The following PHC2 variants were observed in gnomAD, a reference collection of about 807,000 sequenced individuals.
PHC2 encodes the protein polyhomeotic homolog 2.
PHC2 carries 29 observed loss-of-function variants against 87.4 expected under a neutral mutation model. The observed-to-expected ratio is 0.33, with a 90% confidence interval of 0.25 to 0.45. The LOEUF (loss-of-function observed/expected upper bound fraction) is 0.45, where lower values mean the gene tolerates loss of function less well. PHC2 is among the 20% of genes least tolerant of loss of function. The probability of loss-of-function intolerance (pLI) is 1.00; values close to 1 mark genes in which losing one functional copy is unlikely to be tolerated. For missense variants in PHC2, 857 were observed against 1,136.7 expected (o/e 0.75, Z 3.54); for synonymous variants, 438 against 461.7 (o/e 0.95, Z 0.66).
In PHC2 at chr1:33,371,508, C is replaced by T. The variant is rs575646522; in HGVS notation, c.334-414G>A. ...GGCCACCGCCATCACACCCGGCCAC[C>T]GCCATCACACTTGGCCACTGCCATC... is the stretch of plus-strand genomic sequence containing the variant. On this transcript the variant is annotated intron_variant, in intron 3 of 14. Coordinates refer to ENST00000683057, the MANE Select transcript of PHC2 (RefSeq NM_001385109.1). Among the ~76,000 whole-genome samples, 89 of 152,276 alleles carry T rather than the reference C, an allele frequency of 5.8e-4. 2 individuals are homozygous for T. The highest frequency in any genetic ancestry group is 2.0e-3 in the African/African-American group (85 of 41,540).
rs1491262304 is a variant in PHC2, at chr1:33,350,544, A to ACTCATT, written c.1558+3856_1558+3857insAATGAG. ...CACGCGCGCGAGGGGCTGCGGGGGT[A>ACTCATT]CAGAGACGTGCAGCGTGACACAGTC... On this transcript the variant is annotated intron_variant, in intron 9 of 14. Transcript: ENST00000683057. The ACTCATT allele has an allele frequency of 6.6e-5, 10 of 152,498 alleles. No individual in the cohort carries two copies. In the East Asian group the frequency reaches 1.9e-3, roughly 29 times the overall value. 9.4% of individuals were successfully genotyped at this position (152,498 alleles called of 1,614,324 possible).
chr1:33,386,033 G>A (rs1261826875), intron 1 of PHC2, among the ~76,000 whole-genome samples: 2 of 151,728 alleles, frequency 1.3e-5, no homozygotes, highest in Non-Finnish European at 2.9e-5. Context: ...CTGGCCTCAG[G>A]TGATCCACCT....
chr1:33,371,153 C>T, intron 3 of PHC2, 59 bp from the exon 4 acceptor site: 1 of 1,366,816 alleles, frequency 7.3e-7, no homozygotes. Context: ...CACTCCTGGG[C>T]TCTCATCATC....
At chr1:33,430,608 C>A (rs1276386086) in intron 1 of PHC2, among the ~76,000 whole-genome samples, 1 of 152,066 alleles carries the variant, frequency 6.6e-6, no homozygotes, top group East Asian at 1.9e-4. Flanking sequence ...AAGCGAGTCA[C>A]TGACGGGACC....
Position 33,332,614 on chromosome 1 carries a change from G to A in PHC2, c.1762-210C>T. The stretch of plus-strand genomic sequence containing the variant: ...GTAAGATGCTAATGGGCAAAGTACA[G>A]GGATGGCTTCTGTCCAGGACCAACG... On this transcript the variant is annotated intron_variant, in intron 10 of 14. Coordinates refer to ENST00000683057, the MANE Select transcript of PHC2 (RefSeq NM_001385109.1). This position sits in a 1 kb window ranked among gnomAD's most constrained non-coding sequence, Gnocchi z 4.2. The A allele has an allele frequency of 1.8e-6, 1 of 570,490 alleles. No homozygotes were observed. The highest frequency in any genetic ancestry group is 3.1e-6 in the Non-Finnish European group (1 of 318,666). 35.3% of individuals were successfully genotyped at this position (570,490 alleles called of 1,614,324 possible). A position where few individuals can be genotyped will look rare whatever the true frequency, so the allele number is the denominator to read the frequency against.
At chr1:33,365,511 G>A (rs1367998393) in intron 7 of PHC2, among the ~76,000 whole-genome samples, 1 of 152,162 alleles carries the variant, frequency 6.6e-6, no homozygotes, top group Non-Finnish European at 1.5e-5. Flanking sequence ...TGAGAAACTA[G>A]AAGAAGTGCT....
At chr1:33,374,795 A>C (rs925674030) in intron 2 of PHC2, among the ~76,000 whole-genome samples, 2 of 152,196 alleles carry the variant, frequency 1.3e-5, no homozygotes, top group Non-Finnish European at 2.9e-5. Context: ...TCTGAGCCCC[A>C]GTTTTCTCAA....
At chr1:33,355,836 C>T (rs759351441) in intron 7 of PHC2, among the ~76,000 whole-genome samples, 1 of 152,226 alleles carries the variant, frequency 6.6e-6, no homozygotes, top group Non-Finnish European at 1.5e-5. Context: ...GAAATAACTA[C>T]TCTCTGGGCC....
Position 33,331,679 on chromosome 1 carries a change from T to C in PHC2, c.1892-217A>G, listed in dbSNP as rs1268143454. 2 of 459,262 alleles carry C rather than the reference T, an allele frequency of 4.4e-6. No homozygotes were observed. Among genetic ancestry groups the C allele is most frequent in the Non-Finnish European group, 3.9e-6 (1 of 259,456 alleles). 28.4% of individuals were successfully genotyped at this position (459,262 alleles called of 1,614,324 possible). A position where few individuals can be genotyped will look rare whatever the true frequency, so the allele number is the denominator to read the frequency against. Reference sequence around the variant, plus strand: ...ATGCCCCTTGTAGACTTGACATTTTTTTCTTCCACGTGGTCTGAGTCTGAG... The same window carrying C: ...ATGCCCCTTGTAGACTTGACATTTTCTTCTTCCACGTGGTCTGAGTCTGAG... On this transcript the variant is annotated intron_variant, in intron 11 of 14. Coordinates refer to ENST00000683057, the MANE Select transcript of PHC2 (RefSeq NM_001385109.1). This position sits in a 1 kb window ranked among gnomAD's most constrained non-coding sequence, Gnocchi z 5.2.
rs1391069169 is a variant in PHC2, at chr1:33,369,186, C to T, written c.577-564G>A. Among the ~76,000 whole-genome samples, 2 of 152,178 alleles carry T rather than the reference C, an allele frequency of 1.3e-5. No individual in the cohort carries two copies. The highest frequency in any genetic ancestry group is 1.5e-5 in the Non-Finnish European group (1 of 68,036). On this transcript the variant is annotated intron_variant, in intron 5 of 14. Coordinates refer to ENST00000683057, the MANE Select transcript of PHC2 (RefSeq NM_001385109.1). This position sits in a 1 kb window ranked among gnomAD's most constrained non-coding sequence, Gnocchi z 4.7. ...GACAACAACAGCAGAGGAAGCGGAC[C>T]GCCTGGAGCCGTCCTCATGTCTGAA...
chr1:33,367,560 A>C, intron 6 of PHC2, 132 bp from the exon 7 acceptor site: 3 of 729,416 alleles, frequency 4.1e-6, no homozygotes, highest in Non-Finnish European at 6.7e-6. Flanking sequence ...GAGAGAGAGA[A>C]TGTGTTAGGG....
At chr1:33,418,064 G>C (rs1456620574) in intron 1 of PHC2, among the ~76,000 whole-genome samples, 1 of 151,978 alleles carries the variant, frequency 6.6e-6, no homozygotes, top group Non-Finnish European at 1.5e-5. Context: ...AAAATCTGTA[G>C]GATATAGCTA....
chr1:33,356,273 A>ATGTATATATATATATATATATATATACG (rs1553185680), intron 7 of PHC2, among the ~76,000 whole-genome samples: 5 of 94,528 alleles, frequency 5.3e-5, no homozygotes, highest in South Asian at 3.9e-4. Context: ...ATATATATAT[A>ATGTATATATATATATATATATATATACG]TATGTATATA....
At chr1:33,359,231 G>A (rs4503316) in intron 7 of PHC2, among the ~76,000 whole-genome samples, 14,840 of 152,232 alleles carry the variant, frequency 0.097, 1,038 homozygotes, top group East Asian at 0.28. Context: ...CAGACAACAT[G>A]GTGGGACTTG....
chr1:33,350,115 A>G (rs1320463166), intron 9 of PHC2, among the ~76,000 whole-genome samples: 1 of 151,630 alleles, frequency 6.6e-6, no homozygotes, highest in Non-Finnish European at 1.5e-5. Flanking sequence ...GGCTGCCCTG[A>G]TAGCCGGTGC....
intron 1 of PHC2, among the ~76,000 whole-genome samples, chr1:33,393,564 G>C (rs936610726): frequency 5.3e-5 from 8 of 150,218 alleles, no homozygotes; most frequent in Non-Finnish European, 1.0e-4. Context: ...GACCAGTGCA[G>C]TCTGTGTGGA....
At chr1:33,339,876 C>T (rs770078262) in intron 9 of PHC2, among the ~76,000 whole-genome samples, 3 of 152,192 alleles carry the variant, frequency 2.0e-5, no homozygotes, top group Admixed American at 6.5e-5. Context: ...AAATCTGAAA[C>T]GCTCCAATGA....
chr1:33,374,190 C>A (rs1050521950), intron 2 of PHC2, among the ~76,000 whole-genome samples: 1 of 152,158 alleles, frequency 6.6e-6, no homozygotes, highest in Non-Finnish European at 1.5e-5. Flanking sequence ...GATCCTGTGA[C>A]CCTTCCTCAT....
At chr1:33,385,455 G>A (rs1316168008) in intron 1 of PHC2, among the ~76,000 whole-genome samples, 1 of 152,192 alleles carries the variant, frequency 6.6e-6, no homozygotes, top group African/African-American at 2.4e-5. Flanking sequence ...GCCATGTTAC[G>A]TAACCTTTCT....
Sources: allele counts gnomAD v4.1 joint callset (sites outside exome capture counted in the v4.1 genomes callset), GRCh38; gene constraint gnomAD v4.1.1; non-coding constraint Gnocchi (gnomAD v3.1); transcripts MANE v1.5; gene names NCBI Gene and HGNC (gene_info 2026-07-23, HGNC 2026-07-21).